The following GPC5 variants were observed in gnomAD, a reference collection of about 807,000 sequenced individuals.
GPC5 encodes the protein glypican-5.
GPC5 carries 47 observed loss-of-function variants against 53.9 expected under a neutral mutation model. The ratio of observed to expected loss-of-function variants is 0.87; its 90% CI spans 0.69 to 1.11. The LOEUF (loss-of-function observed/expected upper bound fraction) is 1.11. GPC5 is among the 50% of genes most tolerant of loss of function. The probability of loss-of-function intolerance (pLI) is 0.00; values close to 1 mark genes in which losing one functional copy is unlikely to be tolerated. For missense variants in GPC5, 748 were observed against 713.1 expected (o/e 1.05, Z -0.56); for synonymous variants, 286 against 263.3 (o/e 1.09, Z -0.84).
chr13:92,352,662 C>T (rs1032640475), intron 7 of GPC5, among the ~76,000 whole-genome samples: 3 of 152,126 alleles, frequency 2.0e-5, no homozygotes, highest in Non-Finnish European at 2.9e-5. Flanking sequence ...ATGCCATTTT[C>T]CACCTATTGT....
intron 7 of GPC5, among the ~76,000 whole-genome samples, chr13:92,293,577 G>T (rs916406805): frequency 6.6e-6 from 1 of 151,984 alleles, no homozygotes; most frequent in African/African-American, 2.4e-5. Context: ...TATTTTATCA[G>T]TTCTAGGAGC....
chr13:92,314,436 T>C (rs2043165202), intron 7 of GPC5, among the ~76,000 whole-genome samples: 1 of 152,236 alleles, frequency 6.6e-6, no homozygotes, highest in South Asian at 2.1e-4. Context: ...TTAAATGCTT[T>C]CACATATGGC....
chr13:91,478,881 T>TTATATATATATATATATATACACATA (rs1883133004), intron 2 of GPC5, among the ~76,000 whole-genome samples: 2 of 67,500 alleles, frequency 3.0e-5, no homozygotes, highest in African/African-American at 1.3e-4. Flanking sequence ...TATATACACA[T>TTATATATATATATATATATACACATA]TATATATATA....
At chr13:91,961,073 A>G (rs1418060843) in intron 6 of GPC5, among the ~76,000 whole-genome samples, 3 of 151,952 alleles carry the variant, frequency 2.0e-5, no homozygotes, top group Non-Finnish European at 4.4e-5. Flanking sequence ...AAACTTCTCC[A>G]TAGAAAAGGA....
intron 6 of GPC5, among the ~76,000 whole-genome samples, chr13:92,130,096 T>C (rs2041730827): frequency 6.6e-6 from 1 of 152,058 alleles, no homozygotes. Context: ...AGAAAAACTC[T>C]GGAAGCTGGA....
intron 7 of GPC5, among the ~76,000 whole-genome samples, chr13:92,594,384 C>T (rs1382615862): frequency 6.6e-6 from 1 of 152,108 alleles, no homozygotes; most frequent in Non-Finnish European, 1.5e-5. Context: ...ATGTGCAGTG[C>T]CTTACTGACA....
intron 7 of GPC5, among the ~76,000 whole-genome samples, chr13:92,819,772 G>A (rs1279161807): frequency 2.0e-5 from 3 of 152,098 alleles, no homozygotes; most frequent in South Asian, 2.1e-4. Flanking sequence ...TATTTGGGGG[G>A]TAGAGGAGGA....
chr13:91,450,865 A>G (rs1266665946), intron 2 of GPC5, among the ~76,000 whole-genome samples: 1 of 152,178 alleles, frequency 6.6e-6, no homozygotes, highest in African/African-American at 2.4e-5. Flanking sequence ...AAATTTGCCT[A>G]AAGGCTAACT....
At chr13:92,624,518 C>G (rs1884984502) in intron 7 of GPC5, among the ~76,000 whole-genome samples, 1 of 152,098 alleles carries the variant, frequency 6.6e-6, no homozygotes, top group African/African-American at 2.4e-5. Context: ...GAGATTTTAC[C>G]CTTCTTGCAA....
At chr13:92,038,348 C>A (rs2040910826) in intron 6 of GPC5, among the ~76,000 whole-genome samples, 1 of 139,178 alleles carries the variant, frequency 7.2e-6, no homozygotes, top group African/African-American at 2.7e-5. Flanking sequence ...ATGATCTATG[C>A]TAGATAGATA....
At chr13:92,142,551 A>C (rs1315431448) in intron 6 of GPC5, among the ~76,000 whole-genome samples, 1 of 152,242 alleles carries the variant, frequency 6.6e-6, no homozygotes, top group East Asian at 1.9e-4. Flanking sequence ...CCTCCATTAT[A>C]TTTAACAATA....
At chr13:92,457,088 G>C (rs1878297441) in intron 7 of GPC5, among the ~76,000 whole-genome samples, 1 of 152,020 alleles carries the variant, frequency 6.6e-6, no homozygotes, top group South Asian at 2.1e-4. Context: ...ACTTACACGT[G>C]AGAACATGCG....
chr13:91,553,833 T>C (rs2030789320), intron 2 of GPC5, among the ~76,000 whole-genome samples: 2 of 152,082 alleles, frequency 1.3e-5, no homozygotes, highest in African/African-American at 2.4e-5. Flanking sequence ...TGAGATCAGT[T>C]TGATTTTTAA....
At chr13:92,129,229 G>A (rs570670297) in intron 6 of GPC5, among the ~76,000 whole-genome samples, 33 of 152,286 alleles carry the variant, frequency 2.2e-4, no homozygotes, top group Non-Finnish European at 4.1e-4. Flanking sequence ...GTTCCAGCAA[G>A]CTCTCAATCA....
At chr13:91,999,693 G>T (rs1049670263) in intron 6 of GPC5, among the ~76,000 whole-genome samples, 8 of 152,044 alleles carry the variant, frequency 5.3e-5, no homozygotes, top group African/African-American at 1.9e-4. Flanking sequence ...ATAATGACTT[G>T]TTTCTAGATG....
intron 2 of GPC5, among the ~76,000 whole-genome samples, chr13:91,581,206 G>T (rs1036574897): frequency 6.6e-6 from 1 of 152,142 alleles, no homozygotes; most frequent in Non-Finnish European, 1.5e-5. Context: ...TTACATATGT[G>T]TCTATGTGTG....
At chr13:91,735,733 TG>T (rs779221839) in intron 4 of GPC5, among the ~76,000 whole-genome samples, 29 of 151,304 alleles carry the variant, frequency 1.9e-4, no homozygotes, top group Admixed American at 9.8e-4. Context: ...GATCATTTTG[TG>T]CACTGGTACA....
intron 7 of GPC5, among the ~76,000 whole-genome samples, chr13:92,821,175 A>G (rs954539351): frequency 1.6e-4 from 25 of 152,152 alleles, no homozygotes; most frequent in African/African-American, 5.8e-4. Flanking sequence ...GCCAAACTAT[A>G]TAGATCTCAC....
intron 5 of GPC5, among the ~76,000 whole-genome samples, chr13:91,791,711 C>G (rs547580914): frequency 4.0e-5 from 6 of 149,972 alleles, no homozygotes; most frequent in African/African-American, 1.0e-4. Flanking sequence ...TGAAAATACT[C>G]TCTTCCACTA....
Sources: gnomAD v4.1 joint callset for allele counts (sites outside exome capture counted in the v4.1 genomes callset) on GRCh38, gnomAD v4.1.1 for gene constraint, MANE v1.5 for transcripts, NCBI Gene and HGNC (gene_info 2026-07-23, HGNC 2026-07-21) for gene names.